FIP1L1: variants seen among roughly 807,000 people sequenced by gnomAD.
FIP1L1 encodes the protein pre-mRNA 3'-end-processing factor FIP1.
FIP1L1 carries 21 observed loss-of-function variants against 84.6 expected under a neutral mutation model. That is an observed-to-expected ratio of 0.25 (90% CI 0.18 to 0.36). The LOEUF (loss-of-function observed/expected upper bound fraction) is 0.36, where lower values mean the gene tolerates loss of function less well. FIP1L1 is among the 10% of genes least tolerant of loss of function. FIP1L1 has a pLI of 1.00. For synonymous variants in FIP1L1, 263 were observed against 242.3 expected (o/e 1.09, Z -0.80); for missense variants, 526 against 751.1 (o/e 0.70, Z 3.50).
intron 10 of FIP1L1, among the ~76,000 whole-genome samples, chr4:53,401,616 A>G (rs1174642622): frequency 6.6e-6 from 1 of 152,180 alleles, no homozygotes; most frequent in Non-Finnish European, 1.5e-5. Context: ...GATGGATTGG[A>G]TGTAGATTGT....
chr4:53,395,919 A>AT (rs11400535), intron 9 of FIP1L1, among the ~76,000 whole-genome samples: 100,933 of 147,786 alleles, frequency 0.68, 35,942 homozygotes, highest in Non-Finnish European at 0.8. Flanking sequence ...GTATTTTATG[A>AT]TTTTTTTTTT....
rs144852148 is a variant in FIP1L1 at position 53,377,662 on chromosome 4, C to T, written c.-177C>T. On this transcript the variant is annotated 5_prime_UTR_variant, in exon 1 of 18. Coordinates refer to ENST00000337488, the MANE Select transcript of FIP1L1 (RefSeq NM_030917.4). ...TCCTGCGCATGCGCAGACGGACCTG[C>T]GCTGGAGGCTTCATCTTTGCCGCCG... is the stretch of plus-strand genomic sequence containing the variant. 3.7e-3 allele frequency: 2,153 copies of T among 581,596 alleles called. 25 individuals carry two copies. The highest frequency in any genetic ancestry group is 0.037 in the African/African-American group (1,904 of 52,090). 36.0% of individuals were successfully genotyped at this position (581,596 alleles called of 1,614,324 possible). A position where few individuals can be genotyped will look rare whatever the true frequency, so the allele number is the denominator to read the frequency against.
At chr4:53,440,115 G>C (rs1451497070) in intron 13 of FIP1L1, among the ~76,000 whole-genome samples, 1 of 151,944 alleles carries the variant, frequency 6.6e-6, no homozygotes, top group Non-Finnish European at 1.5e-5. Flanking sequence ...GTCAACACTT[G>C]AATGAACCAC....
intron 13 of FIP1L1, chr4:53,442,113 C>A (rs1203644001): frequency 6.6e-6 from 1 of 152,552 alleles, no homozygotes; most frequent in Non-Finnish European, 1.5e-5. Flanking sequence ...ATGTGCTTTT[C>A]TTTGTAAAAC....
Position 53,420,197 on chromosome 4 carries a change from CAAAAA to C in FIP1L1, c.923+5499_923+5503del, listed in dbSNP as rs1166566869. On this transcript the variant is annotated intron_variant, in intron 11 of 17. Coordinates refer to ENST00000337488, the MANE Select transcript of FIP1L1 (RefSeq NM_030917.4). Reference sequence around the variant, plus strand: ...TGGACGACAGAGGAAGACTCCGTCTCAAAAAAAAAAAAAAAAAAAAAAAAAAAACC... The same window carrying C: ...TGGACGACAGAGGAAGACTCCGTCTCAAAAAAAAAAAAAAAAAAAAAAACC... Among the ~76,000 whole-genome samples the C allele has an allele frequency of 8.0e-4, 14 of 17,552 alleles. No individual in the cohort carries two copies. The South Asian group carries it at 0.049, about 62-fold the overall frequency. 11.5% of individuals were successfully genotyped at this position (17,552 alleles called of 152,430 possible).
At chr4:53,458,924 C>T (rs1303727043) in intron 17 of FIP1L1, 134 bp downstream of exon 17, 1 of 987,070 alleles carries the variant, frequency 1.0e-6, no homozygotes, top group South Asian at 1.9e-5. Context: ...AATTCAGGGC[C>T]TTGTCTCAAA....
At chr4:53,433,302 A>G (rs1767562483) in intron 13 of FIP1L1, among the ~76,000 whole-genome samples, 1 of 152,228 alleles carries the variant, frequency 6.6e-6, no homozygotes, top group Admixed American at 6.5e-5. Context: ...TCCTAAGGAT[A>G]GCCCCTGTAA....
At chr4:53,394,390 G>GCTTCA (rs1407979468) in intron 9 of FIP1L1, among the ~76,000 whole-genome samples, 1 of 152,128 alleles carries the variant, frequency 6.6e-6, no homozygotes, top group East Asian at 1.9e-4. Context: ...TTGACTGCAG[G>GCTTCA]CTTCACTGGA....
At chr4:53,405,882 T>C (rs1753125040) in intron 10 of FIP1L1, among the ~76,000 whole-genome samples, 1 of 151,964 alleles carries the variant, frequency 6.6e-6, no homozygotes, top group Admixed American at 6.5e-5. Context: ...TTGCTGAAGT[T>C]GCTTATCAAC....
At chr4:53,391,529 C>G (rs370851371) in intron 9 of FIP1L1, 31 bp downstream of exon 9, 27 of 1,553,000 alleles carry the variant, frequency 1.7e-5, no homozygotes, top group Non-Finnish European at 2.4e-5. Flanking sequence ...CTTGGTTGCT[C>G]TCATTTTTTG....
chr4:53,426,155 T>A (rs1257255502), intron 12 of FIP1L1, among the ~76,000 whole-genome samples, 190 bp downstream of exon 12: 1 of 152,098 alleles, frequency 6.6e-6, no homozygotes, highest in Non-Finnish European at 1.5e-5. Flanking sequence ...AATCTTTTTT[T>A]AATAGGGTTT....
chr4:53,425,710 A>G, intron 11 of FIP1L1, 162 bp from the exon 12 acceptor site: 1 of 511,712 alleles, frequency 2.0e-6, no homozygotes, highest in Non-Finnish European at 3.6e-6. Flanking sequence ...GACAATGCAA[A>G]GTAGTGAGCT....
intron 10 of FIP1L1, among the ~76,000 whole-genome samples, chr4:53,406,213 A>G (rs1268805842): frequency 6.8e-6 from 1 of 147,274 alleles, no homozygotes; most frequent in Non-Finnish European, 1.5e-5. Flanking sequence ...GAGAGTTTTT[A>G]GCATGAAGGG....
At chr4:53,423,540 A>C (rs1375175974) in intron 11 of FIP1L1, among the ~76,000 whole-genome samples, 4 of 152,184 alleles carry the variant, frequency 2.6e-5, no homozygotes, top group Non-Finnish European at 5.9e-5. Flanking sequence ...AGATTTTTAA[A>C]TTATTTGTCA....
At chr4:53,445,108 C>T (rs7691578) in intron 15 of FIP1L1, among the ~76,000 whole-genome samples, 84,417 of 151,900 alleles carry the variant, frequency 0.56, 25,306 homozygotes, top group Non-Finnish European at 0.67. Flanking sequence ...TGTGTTGTGG[C>T]TGGAATGTAG....
At chr4:53,382,457 C>T in intron 4 of FIP1L1, 122 bp downstream of exon 4, 1 of 679,582 alleles carries the variant, frequency 1.5e-6, no homozygotes, top group Non-Finnish European at 2.6e-6. Context: ...CTGGCCCTTT[C>T]TTACATCTCC....
chr4:53,397,414 A>G lies in FIP1L1; in HGVS notation c.706-2316A>G, dbSNP rs146406054. On this transcript the variant is annotated intron_variant, in intron 9 of 17. Coordinates refer to ENST00000337488, the MANE Select transcript of FIP1L1 (RefSeq NM_030917.4). The stretch of plus-strand genomic sequence containing the variant: ...CAAGTGGTCCAAAAACACCGTTTTT[A>G]TTCTTATCCCCTCTCAGGAGAATGG... 9.2e-4 allele frequency among the ~76,000 whole-genome samples: 140 copies of G among 152,312 alleles called. 1 individual carries two copies. The highest frequency in any genetic ancestry group is 3.1e-3 in the African/African-American group (130 of 41,572).
intron 9 of FIP1L1, among the ~76,000 whole-genome samples, chr4:53,396,268 T>G (rs1453475970): frequency 6.6e-6 from 1 of 152,170 alleles, no homozygotes; most frequent in Non-Finnish European, 1.5e-5. Flanking sequence ...AAAGGAATTA[T>G]CTATACAAAG....
intron 13 of FIP1L1, among the ~76,000 whole-genome samples, chr4:53,433,409 T>C (rs1017472099): frequency 6.6e-6 from 1 of 152,208 alleles, no homozygotes; most frequent in Non-Finnish European, 1.5e-5. Context: ...ACTTACTTTG[T>C]TTCTAAAATA....
Sources: gnomAD v4.1 joint callset for allele counts (sites outside exome capture counted in the v4.1 genomes callset) on GRCh38, gnomAD v4.1.1 for gene constraint, MANE v1.5 for transcripts, NCBI Gene and HGNC (gene_info 2026-07-23, HGNC 2026-07-21) for gene names.